SMARCC1: variants seen among roughly 807,000 people sequenced by gnomAD.
SMARCC1 encodes the protein SWI/SNF related BAF chromatin remodeling complex subunit C1.
A neutral mutation model predicts 147.4 loss-of-function variants in SMARCC1; 43 were observed. The observed-to-expected ratio is 0.29, with a 90% confidence interval of 0.23 to 0.38. The LOEUF is 0.38. SMARCC1 is among the 10% of genes least tolerant of loss of function. The pLI is 1.00. For synonymous variants in SMARCC1, 495 were observed against 484.4 expected, an observed-to-expected ratio of 1.02 and a Z score of -0.29; for missense variants, 1,119 against 1,381.1, an observed-to-expected ratio of 0.81 and a Z score of 3.01.
chr3:47,779,392 AAAG>A (rs1303219434), intron 1 of SMARCC1, among the ~76,000 whole-genome samples: 36 of 152,338 alleles, frequency 2.4e-4, no homozygotes, highest in African/African-American at 8.4e-4. Context: ...ACTGTGTAGA[AAAG>A]AAGCAAAGAA....
chr3:47,586,841 C>A lies in SMARCC1; in HGVS notation c.*1368G>T, dbSNP rs531425651. 6.6e-6 allele frequency: 1 copy of A among 152,626 alleles called. No homozygotes were observed. Among genetic ancestry groups the A allele is most frequent in the South Asian group, 2.1e-4 (1 of 4,816 alleles). 9.5% of individuals were successfully genotyped at this position (152,626 alleles called of 1,614,324 possible). The stretch of plus-strand genomic sequence containing the variant: ...GGAGGGAAGGACAAGAGGAAAAAAC[C>A]GGGAACTCTCAAGTCACTTATCAGC... On this transcript the variant is annotated 3_prime_UTR_variant, in exon 28 of 28. Transcript: ENST00000254480.
chr3:47,729,302 A>G (rs2034339379), intron 5 of SMARCC1, among the ~76,000 whole-genome samples: 1 of 152,232 alleles, frequency 6.6e-6, no homozygotes, highest in Non-Finnish European at 1.5e-5. Flanking sequence ...ACTGCTGTAT[A>G]GAAAAGTAAT....
At chr3:47,627,983 A>C (rs1234261652) in intron 24 of SMARCC1, among the ~76,000 whole-genome samples, 1 of 152,100 alleles carries the variant, frequency 6.6e-6, no homozygotes, top group East Asian at 1.9e-4. Flanking sequence ...TCAGCTTCCC[A>C]AAGTGCTGGG....
At chr3:47,737,901 A>T in intron 4 of SMARCC1, 128 bp downstream of exon 4, 1 of 432,914 alleles carries the variant, frequency 2.3e-6, no homozygotes. Context: ...TGACCTCGTG[A>T]TCCGCCTTGC....
Position 47,663,927 on chromosome 3 carries a change from A to C in SMARCC1, c.1900-1335T>G, listed in dbSNP as rs1227848346. 8.5e-6 allele frequency: 12 copies of C among 1,412,522 alleles called. 1 individual carries two copies. In the East Asian group the frequency reaches 2.5e-4, roughly 30 times the overall value. 87.5% of individuals were successfully genotyped at this position (1,412,522 alleles called of 1,614,324 possible). A position where few individuals can be genotyped will look rare whatever the true frequency, so the allele number is the denominator to read the frequency against. On this transcript the variant is annotated intron_variant, in intron 19 of 27. Coordinates refer to ENST00000254480, the MANE Select transcript of SMARCC1 (RefSeq NM_003074.4). ...CTAGCTGTCACCGCTATGAAGTCTC[A>C]ACCCTGAGCCCAGGGTCTGGCTTTG... is the stretch of plus-strand genomic sequence containing the variant.
chr3:47,776,047 C>T (rs2034971026), intron 1 of SMARCC1, among the ~76,000 whole-genome samples: 1 of 151,694 alleles, frequency 6.6e-6, no homozygotes, highest in African/African-American at 2.4e-5. Flanking sequence ...GCTTGGGAGG[C>T]TGAGGCAGGA....
intron 2 of SMARCC1, among the ~76,000 whole-genome samples, chr3:47,749,879 G>A (rs1168120220): frequency 2.0e-5 from 3 of 150,924 alleles, no homozygotes; most frequent in Admixed American, 6.6e-5. Flanking sequence ...TCAGGAGATC[G>A]AGACCATCCT....
At chr3:47,726,061 CAAA>C (rs546659321) in intron 6 of SMARCC1, among the ~76,000 whole-genome samples, 50 of 50,784 alleles carry the variant, frequency 9.8e-4, no homozygotes, top group East Asian at 6.3e-3. Context: ...GACTCTGTCT[CAAA>C]AAAAAAAAAA....
Position 47,622,216 on chromosome 3 carries a change from C to T in SMARCC1, c.2772G>A (p.Glu924=). The T allele has an allele frequency of 6.3e-7, 1 of 1,599,984 alleles. No individual in the cohort carries two copies. The highest frequency in any genetic ancestry group is 8.5e-7 in the Non-Finnish European group (1 of 1,176,800). ...AATTCCAAATACTTACAGCTTCTTT[C>T]TCTCTGTCCATGATAGTTTCCAGCT... ...FEELETIMDR[E]KEALEQQRQQ... is the part of the protein sequence containing the mutation. Residue 924 remains glutamate, a synonymous_variant, in exon 25 of 28, where the codon GAG becomes GAA. Coordinates refer to ENST00000254480, the MANE Select transcript of SMARCC1 (RefSeq NM_003074.4).
At chr3:47,693,731 T>C (rs921137047) in intron 11 of SMARCC1, among the ~76,000 whole-genome samples, 3 of 152,214 alleles carry the variant, frequency 2.0e-5, no homozygotes, top group Non-Finnish European at 4.4e-5. Context: ...GGTGCGATCA[T>C]GGCTCACTGC....
At chr3:47,701,502 T>C (rs2033917927) in intron 10 of SMARCC1, 100 bp from the exon 11 acceptor site, 4 of 1,122,292 alleles carry the variant, frequency 3.6e-6, no homozygotes, top group Non-Finnish European at 4.0e-6. Flanking sequence ...GTAGAACATA[T>C]GCTCAAGATC....
chr3:47,725,312 A>G (rs933615295), intron 6 of SMARCC1, among the ~76,000 whole-genome samples: 2 of 152,112 alleles, frequency 1.3e-5, no homozygotes, highest in Non-Finnish European at 2.9e-5. Context: ...GTCAAGGACT[A>G]ACGTGGGAGA....
At chr3:47,736,155 TTC>T in intron 4 of SMARCC1, 29 bp from the exon 5 acceptor site, 1 of 1,237,394 alleles carries the variant, frequency 8.1e-7, no homozygotes, top group Non-Finnish European at 1.2e-6. Flanking sequence ...GACTTTCAAA[TTC>T]TCTTAGTTTT....
chr3:47,589,556 C>G (rs2032142962), intron 27 of SMARCC1, among the ~76,000 whole-genome samples: 1 of 152,180 alleles, frequency 6.6e-6, no homozygotes, highest in Non-Finnish European at 1.5e-5. Context: ...ACTACACAAC[C>G]ACTGACCACT....
intron 26 of SMARCC1, chr3:47,604,522 T>C: frequency 2.9e-6 from 1 of 339,478 alleles, no homozygotes; most frequent in Non-Finnish European, 5.8e-6. Context: ...CCTTACCCTG[T>C]GGCAACTCAG....
chr3:47,591,398 G>A (rs2108223726), intron 26 of SMARCC1, among the ~76,000 whole-genome samples: 1 of 142,886 alleles, frequency 7.0e-6, no homozygotes, highest in East Asian at 2.0e-4. Flanking sequence ...AAAGCCTCAT[G>A]TATGGTTCAT....
intron 2 of SMARCC1, among the ~76,000 whole-genome samples, chr3:47,769,600 A>C (rs2034883885): frequency 6.6e-6 from 1 of 151,982 alleles, no homozygotes; most frequent in African/African-American, 2.4e-5. Context: ...AAGAACTCAC[A>C]CTCAACTTTC....
chr3:47,602,698 C>A (rs900368416), intron 26 of SMARCC1, among the ~76,000 whole-genome samples: 7 of 152,216 alleles, frequency 4.6e-5, no homozygotes, highest in African/African-American at 1.7e-4. Context: ...AAAAATTCTT[C>A]CACTATTAAT....
At chr3:47,662,188 A>T (rs532599740) in intron 20 of SMARCC1, 146 bp downstream of exon 20, 1 of 766,174 alleles carries the variant, frequency 1.3e-6, no homozygotes, top group Non-Finnish European at 2.1e-6. Flanking sequence ...ATATTGTAAT[A>T]CTTTTATAAA....
Sources: gnomAD v4.1 joint callset for allele counts (sites outside exome capture counted in the v4.1 genomes callset) on GRCh38, gnomAD v4.1.1 for gene constraint, MANE v1.5 for transcripts, NCBI Gene and HGNC (gene_info 2026-07-23, HGNC 2026-07-21) for gene names.